SLC9B1: variants seen among roughly 807,000 people sequenced by gnomAD.
The protein encoded by SLC9B1 is solute carrier family 9 member B1.
Under a neutral mutation model 51.7 loss-of-function variants are expected in SLC9B1, and 32 were observed. The ratio of observed to expected loss-of-function variants is 0.62; its 90% CI spans 0.47 to 0.83. The LOEUF is 0.83. Ranked by LOEUF, SLC9B1 falls within the 40% of genes least tolerant of loss-of-function variation. The pLI is 0.00. For missense variants in SLC9B1, 406 were observed against 613.2 expected, an observed-to-expected ratio of 0.66 and a Z score of 3.57; for synonymous variants, 145 against 212.7, an observed-to-expected ratio of 0.68 and a Z score of 2.77.
At chr4:102,900,755 T>C (rs190057362), downstream of SLC9B1, among the ~76,000 whole-genome samples, 595 of 152,376 alleles carry the variant, frequency 3.9e-3, 2 homozygotes, top group East Asian at 0.075. Flanking sequence ...ACTTAGGCTA[T>C]CTTACCAAGT....
At chr4:102,937,195 C>T (rs1396856627) in intron 6 of SLC9B1, among the ~76,000 whole-genome samples, 8 of 151,884 alleles carry the variant, frequency 5.3e-5, no homozygotes, top group South Asian at 2.1e-4. Context: ...CTCCACTTCC[C>T]GGGTTCAAGC....
At chr4:102,931,753 T>A (rs1410644061) in intron 7 of SLC9B1, among the ~76,000 whole-genome samples, 1 of 152,216 alleles carries the variant, frequency 6.6e-6, no homozygotes, top group African/African-American at 2.4e-5. Flanking sequence ...CAGTTGTTTA[T>A]TAGGATGGCC....
intron 3 of SLC9B1, among the ~76,000 whole-genome samples, chr4:102,970,354 A>G (rs1738687789): frequency 6.6e-6 from 1 of 152,218 alleles, no homozygotes; most frequent in Admixed American, 6.5e-5. Flanking sequence ...AAAGAAAAGA[A>G]TTTTCAACTC....
intron 7 of SLC9B1, among the ~76,000 whole-genome samples, chr4:102,923,394 G>A (rs1165712150): frequency 6.6e-6 from 1 of 152,130 alleles, no homozygotes; most frequent in Non-Finnish European, 1.5e-5. Context: ...AATAAACTAG[G>A]TATTGATGGG....
At chr4:103,018,409 A>G (rs1380768741) in intron 1 of SLC9B1, among the ~76,000 whole-genome samples, 1 of 152,234 alleles carries the variant, frequency 6.6e-6, no homozygotes, top group Non-Finnish European at 1.5e-5. Context: ...AGTTAAAAAA[A>G]ATTCTGGTAC....
Position 102,946,667 on chromosome 4 carries a change from C to G in SLC9B1, c.505G>C (p.Gly169Arg). The G allele has an allele frequency of 6.2e-7, 1 of 1,608,452 alleles. No homozygotes were observed. The highest frequency in any genetic ancestry group is 8.5e-7 in the Non-Finnish European group (1 of 1,178,718). ...IALTIILIRAGLGLDPQALRH... is the reference protein window; with the variant it reads ...IALTIILIRARLGLDPQALRH... Reference sequence around the variant, plus strand: ...TCTACCTGTGGATCGAGTCCAAGCCCAGCTCTTATTAGAATAATGGTAAGG... The same window carrying G: ...TCTACCTGTGGATCGAGTCCAAGCCGAGCTCTTATTAGAATAATGGTAAGG... The change falls in exon 5 of 12, where the codon GGG becomes CGG. Residue 169 changes from glycine to arginine, a missense_variant. Transcript: ENST00000296422.
At chr4:102,924,081 A>C (rs1336688245) in intron 7 of SLC9B1, among the ~76,000 whole-genome samples, 1 of 152,202 alleles carries the variant, frequency 6.6e-6, no homozygotes, top group African/African-American at 2.4e-5. Context: ...GGAACCAAAA[A>C]AGAACCTGCA....
chr4:102,894,337 T>C (rs1734431918), intron 11 of SLC9B1, among the ~76,000 whole-genome samples: 1 of 152,172 alleles, frequency 6.6e-6, no homozygotes, highest in Non-Finnish European at 1.5e-5. Flanking sequence ...TTAAAGATTA[T>C]CTTGGAGGAT....
At chr4:102,965,484 C>T (rs1450487085) in intron 3 of SLC9B1, among the ~76,000 whole-genome samples, 1 of 152,172 alleles carries the variant, frequency 6.6e-6, no homozygotes, top group Admixed American at 6.5e-5. Flanking sequence ...CAAGAACTCA[C>T]TCACTATATG....
At chr4:102,963,523 T>A (rs1738252903) in intron 3 of SLC9B1, among the ~76,000 whole-genome samples, 1 of 152,250 alleles carries the variant, frequency 6.6e-6, no homozygotes, top group South Asian at 2.1e-4. Flanking sequence ...GACTGTTGTA[T>A]GCCCACTCCT....
At chr4:102,974,240 TTGA>T (rs1422654525) in intron 3 of SLC9B1, among the ~76,000 whole-genome samples, 4 of 76,270 alleles carry the variant, frequency 5.2e-5, no homozygotes, top group South Asian at 4.9e-4. Context: ...CTGTCTAAAA[TTGA>T]AAAAAAAAAA....
At chr4:102,910,337 C>A in intron 9 of SLC9B1, 102 bp downstream of exon 9, 1 of 1,049,820 alleles carries the variant, frequency 9.5e-7, no homozygotes, top group Non-Finnish European at 1.3e-6. Flanking sequence ...GGACAGAAAA[C>A]CTTTTGGAAC....
chr4:102,943,541 T>C (rs1469381712), intron 6 of SLC9B1, among the ~76,000 whole-genome samples: 1 of 69,562 alleles, frequency 1.4e-5, no homozygotes, highest in Non-Finnish European at 2.8e-5. Flanking sequence ...ACACACACCA[T>C]CGACAGAATA....
chr4:103,018,305 T>C (rs192546938), intron 1 of SLC9B1, among the ~76,000 whole-genome samples: 3 of 152,306 alleles, frequency 2.0e-5, no homozygotes, highest in Admixed American at 2.0e-4. Context: ...TAAATTCTGG[T>C]ACTCTAAAAG....
chr4:102,936,609 C>T (rs1560938182), intron 6 of SLC9B1, among the ~76,000 whole-genome samples: 1 of 152,112 alleles, frequency 6.6e-6, no homozygotes, highest in Non-Finnish European at 1.5e-5. Flanking sequence ...TTTCATAATA[C>T]AATAACAAGT....
At chr4:102,977,086 G>A (rs1317243724) in intron 3 of SLC9B1, among the ~76,000 whole-genome samples, 1 of 152,018 alleles carries the variant, frequency 6.6e-6, no homozygotes, top group Non-Finnish European at 1.5e-5. Flanking sequence ...GGAAGTCAAG[G>A]TTGCAGTGAG....
intron 6 of SLC9B1, among the ~76,000 whole-genome samples, chr4:102,941,945 T>C (rs1560941451): frequency 6.6e-6 from 1 of 152,050 alleles, no homozygotes. Context: ...ATCTGATAAA[T>C]GAATTCAGTA....
chr4:103,005,047 CA>C (rs780573082), intron 1 of SLC9B1, among the ~76,000 whole-genome samples: 9 of 152,124 alleles, frequency 5.9e-5, no homozygotes, highest in Non-Finnish European at 8.8e-5. Context: ...TCATAATAAA[CA>C]GCTAGCAACA....
chr4:102,964,410 AT>A (rs1450339777), intron 3 of SLC9B1, among the ~76,000 whole-genome samples: 1 of 152,182 alleles, frequency 6.6e-6, no homozygotes, highest in Non-Finnish European at 1.5e-5. Context: ...AAGCAAATAG[AT>A]GAGGAAGGAA....
Sources: gnomAD v4.1 joint callset for allele counts (sites outside exome capture counted in the v4.1 genomes callset) on GRCh38, gnomAD v4.1.1 for gene constraint, MANE v1.5 for transcripts, NCBI Gene and HGNC (gene_info 2026-07-23, HGNC 2026-07-21) for gene names.